The following SSPN variants were observed in gnomAD, a reference collection of about 807,000 sequenced individuals.
SSPN encodes the protein sarcospan, also known as K-ras oncogene-associated protein.
Under a neutral mutation model 19.1 loss-of-function variants are expected in SSPN, and 15 were observed. The ratio of observed to expected loss-of-function variants is 0.78; its 90% CI spans 0.52 to 1.21. SSPN has a LOEUF of 1.21. Among genes scored for constraint, SSPN ranks in the 50% most tolerant of loss-of-function variants. The pLI, the probability that SSPN is intolerant of heterozygous loss-of-function variation, is 0.00. For synonymous variants in SSPN, 147 were observed against 140.3 expected (o/e 1.05, Z -0.34); for missense variants, 291 against 314.0 (o/e 0.93, Z 0.55).
chr12:26,134,252 G>A (rs1373885574), intron 1 of SSPN, among the ~76,000 whole-genome samples: 1 of 152,114 alleles, frequency 6.6e-6, no homozygotes, highest in East Asian at 1.9e-4. Flanking sequence ...TGATTAGAAT[G>A]TTTTGTTCCC....
At position 26,230,775 on chromosome 12, in the gene SSPN, C is replaced by G; in HGVS notation, c.431C>G (p.Ala144Gly). ...TGTGTGCTGGCCGTGGCCTTTGCCG[C>G]CCACCACTATTCGCAGCTCACACAG... ...TVCVLAVAFAAHHYSQLTQFT... is the reference protein window; with the variant it reads ...TVCVLAVAFAGHHYSQLTQFT... Residue 144 changes from alanine to glycine, a missense_variant, in exon 3 of 3, where the codon GCC (alanine) becomes GGC (glycine). Around this residue, in one of 3 missense-constraint regions of SSPN, gnomAD observed 141 missense variants for 166.7 expected, o/e 0.85. Coordinates refer to ENST00000242729, the MANE Select transcript of SSPN (RefSeq NM_005086.5). 1 of 1,614,182 alleles carries G rather than the reference C, an allele frequency of 6.2e-7. No individual in the cohort carries two copies. Among genetic ancestry groups the G allele is most frequent in the Non-Finnish European group, 8.5e-7 (1 of 1,180,034 alleles).
chr12:26,174,526 TTCC>T (rs1944672660), intron 1 of SSPN, among the ~76,000 whole-genome samples: 1 of 139,278 alleles, frequency 7.2e-6, no homozygotes, highest in Admixed American at 6.9e-5. Flanking sequence ...CCTTCCTTCC[TTCC>T]TTTCTTTTTT....
chr12:26,207,288 C>A (rs1565687350), intron 1 of SSPN, among the ~76,000 whole-genome samples: 1 of 152,090 alleles, frequency 6.6e-6, no homozygotes, highest in African/African-American at 2.4e-5. Context: ...ATAAACATTT[C>A]AATTGCATAA....
chr12:26,226,334 G>C (rs1000197845), intron 2 of SSPN, among the ~76,000 whole-genome samples: 2 of 152,088 alleles, frequency 1.3e-5, no homozygotes, highest in African/African-American at 4.8e-5. Context: ...GCATTTTGGT[G>C]CCCCCATCTC....
chr12:26,165,793 T>C (rs1944617180), intron 1 of SSPN, among the ~76,000 whole-genome samples: 1 of 152,244 alleles, frequency 6.6e-6, no homozygotes, highest in African/African-American at 2.4e-5. Context: ...ATTAACGTAA[T>C]AATTGTCTTT....
At position 26,179,243 on chromosome 12, in the gene SSPN, C is replaced by T. The variant is rs539429456; in HGVS notation, c.-30-45050C>T. ...CCTGACAGCAAGAAGGAGAGCAGTGCTTGAGGAATGAAAGGATCCTAGTGT... is the reference window on the plus strand; with the variant it reads ...CCTGACAGCAAGAAGGAGAGCAGTGTTTGAGGAATGAAAGGATCCTAGTGT... On this transcript the variant is annotated intron_variant, in intron 1 of 2. Transcript: ENST00000538142. Among the ~76,000 whole-genome samples, 22 of 152,206 alleles carry T rather than the reference C, an allele frequency of 1.4e-4. No individual in the cohort carries two copies. In the South Asian group the frequency reaches 4.4e-3, roughly 30 times the overall value.
chr12:26,138,250 T>A (rs1194460339), intron 1 of SSPN, among the ~76,000 whole-genome samples: 1 of 152,228 alleles, frequency 6.6e-6, no homozygotes, highest in Non-Finnish European at 1.5e-5. Context: ...ATTGGTTGAA[T>A]CTGTGGATGT....
At chr12:26,123,219 G>T in intron 1 of SSPN, 3 of 1,523,888 alleles carry the variant, frequency 2.0e-6, no homozygotes, top group Non-Finnish European at 2.6e-6. Context: ...GAGGCAAGAA[G>T]AAACATACCC....
At chr12:26,122,594 G>C (rs1944320507) in intron 1 of SSPN, 4 of 1,116,972 alleles carry the variant, frequency 3.6e-6, no homozygotes, top group East Asian at 4.9e-5. Flanking sequence ...CGGCAGGGTC[G>C]GGCCCCAGAA....
chr12:26,226,118 C>G (rs144340218), intron 2 of SSPN, among the ~76,000 whole-genome samples: 1 of 152,296 alleles, frequency 6.6e-6, no homozygotes, highest in Non-Finnish European at 1.5e-5. Flanking sequence ...TTCCTCTTCT[C>G]CTGAACGTGA....
rs1232684389 is a variant in SSPN, at chr12:26,232,667, T to G, written c.*1591T>G. 2.0e-6 allele frequency: 2 copies of G among 985,048 alleles called. No homozygotes were observed. The highest frequency in any genetic ancestry group is 1.1e-4 in the East Asian group (1 of 8,820). 61.0% of individuals were successfully genotyped at this position (985,048 alleles called of 1,614,324 possible). A position where few individuals can be genotyped will look rare whatever the true frequency, so the allele number is the denominator to read the frequency against. On this transcript the variant is annotated 3_prime_UTR_variant, in exon 3 of 3. Transcript: ENST00000242729. ...ATTTCTACACAATATAAATATCCAG[T>G]ATAAAGGAAAGCGTTAAGTCGGTAA...
chr12:26,162,626 A>C (rs1944596138), intron 1 of SSPN, among the ~76,000 whole-genome samples: 1 of 152,228 alleles, frequency 6.6e-6, no homozygotes, highest in African/African-American at 2.4e-5. Flanking sequence ...TTTATTTTGA[A>C]ACCTGTAACT....
At chr12:26,190,721 C>T (rs561073535), upstream of SSPN, among the ~76,000 whole-genome samples, 1 of 152,138 alleles carries the variant, frequency 6.6e-6, no homozygotes, top group Non-Finnish European at 1.5e-5. Flanking sequence ...TTATTAATTA[C>T]TGAGGGACAT....
chr12:26,231,221 A>G lies in SSPN; in HGVS notation c.*145A>G. 1 of 1,197,816 alleles carries G rather than the reference A, an allele frequency of 8.3e-7. No homozygotes were observed. The highest frequency in any genetic ancestry group is 1.1e-6 in the Non-Finnish European group (1 of 898,792). The allele number at this position is 1,197,816 out of a possible 1,614,324, so 74.2% of individuals were successfully genotyped here. On this transcript the variant is annotated 3_prime_UTR_variant, in exon 3 of 3. Transcript: ENST00000242729. ...GAATATTTTTATATTTTTATGAAAC[A>G]AAAGAGCATTTCTTCAGGTTTCTAT...
intron 1 of SSPN, among the ~76,000 whole-genome samples, chr12:26,169,491 C>G (rs1305348488): frequency 6.6e-6 from 1 of 152,072 alleles, no homozygotes; most frequent in Non-Finnish European, 1.5e-5. Flanking sequence ...AAACAGACAA[C>G]AGTCATGTAA....
intron 1 of SSPN, among the ~76,000 whole-genome samples, chr12:26,177,527 T>A (rs1170614824): frequency 6.6e-6 from 1 of 152,190 alleles, no homozygotes; most frequent in Non-Finnish European, 1.5e-5. Flanking sequence ...AGACCCATTC[T>A]GCCCCACCCG....
intron 1 of SSPN, among the ~76,000 whole-genome samples, chr12:26,130,310 T>G (rs1944390424): frequency 6.6e-6 from 1 of 152,202 alleles, no homozygotes; most frequent in South Asian, 2.1e-4. Context: ...ATGCACTAAA[T>G]GTCCACTTCT....
chr12:26,124,066 T>C, intron 1 of SSPN: 1 of 1,572,322 alleles, frequency 6.4e-7, no homozygotes, highest in Non-Finnish European at 8.8e-7. Context: ...AAAATGTGCA[T>C]CTTACTGTCA....
intron 1 of SSPN, among the ~76,000 whole-genome samples, chr12:26,145,771 G>T (rs190546109): frequency 4.2e-4 from 64 of 152,300 alleles, no homozygotes; most frequent in Admixed American, 9.8e-4. Flanking sequence ...GACAGAACTG[G>T]TATTCCGCCC....
Sources: gnomAD v4.1 joint callset for allele counts (sites outside exome capture counted in the v4.1 genomes callset) on GRCh38, gnomAD v4.1.1 for gene constraint, gnomAD v4.1.1 regional missense constraint, MANE v1.5 for transcripts, NCBI Gene and HGNC (gene_info 2026-07-23, HGNC 2026-07-21) for gene names.